Variants in DPYSL3 observed in about 807,000 individuals in gnomAD.
DPYSL3 encodes the protein dihydropyrimidinase-related protein 3.
A neutral mutation model predicts 66.1 loss-of-function variants in DPYSL3; 16 were observed. That is an observed-to-expected ratio of 0.24 (90% CI 0.16 to 0.37). DPYSL3 has a LOEUF of 0.37. Among genes scored for constraint, DPYSL3 ranks in the 10% least tolerant of loss-of-function variants. The pLI is 1.00. For synonymous variants in DPYSL3, 338 were observed against 345.1 expected (o/e 0.98, Z 0.23); for missense variants, 738 against 916.2 (o/e 0.81, Z 2.51).
intron 1 of DPYSL3, among the ~76,000 whole-genome samples, chr5:147,457,136 A>C (rs759699207): frequency 1.3e-5 from 2 of 152,206 alleles, no homozygotes; most frequent in African/African-American, 4.8e-5. Context: ...GAGGTGAATA[A>C]TAAGTCCCAA....
intron 1 of DPYSL3, among the ~76,000 whole-genome samples, chr5:147,486,314 T>C (rs1399475616): frequency 6.6e-6 from 1 of 152,244 alleles, no homozygotes; most frequent in Non-Finnish European, 1.5e-5. Flanking sequence ...GTTTATGTTA[T>C]GAGTATTTTA....
chr5:147,465,987 G>A (rs1753003075), intron 1 of DPYSL3, among the ~76,000 whole-genome samples: 1 of 152,136 alleles, frequency 6.6e-6, no homozygotes, highest in Non-Finnish European at 1.5e-5. Flanking sequence ...CAGTGAGATT[G>A]ATATTAAATA....
chr5:147,402,075 A>G (rs1197377321), intron 8 of DPYSL3: 2 of 179,430 alleles, frequency 1.1e-5, no homozygotes, highest in Admixed American at 1.3e-4. Context: ...CAAGGCTGAA[A>G]TAGATATATT....
At chr5:147,485,929 T>C (rs1753322060) in intron 1 of DPYSL3, among the ~76,000 whole-genome samples, 1 of 152,112 alleles carries the variant, frequency 6.6e-6, no homozygotes, top group South Asian at 2.1e-4. Context: ...CTATTCACAA[T>C]AACCAAAAAT....
intron 1 of DPYSL3, among the ~76,000 whole-genome samples, chr5:147,451,522 T>C (rs1437447742): frequency 6.6e-6 from 1 of 152,202 alleles, no homozygotes; most frequent in African/African-American, 2.4e-5. Flanking sequence ...CAATGCTGAA[T>C]TTCCTTATCT....
chr5:147,414,045 T>C (rs763362759), intron 4 of DPYSL3, among the ~76,000 whole-genome samples: 17 of 152,214 alleles, frequency 1.1e-4, no homozygotes, highest in Non-Finnish European at 2.1e-4. Context: ...CACCACATAC[T>C]AGTTCAGTGA....
Position 147,395,564 on chromosome 5 carries a change from A to C in DPYSL3, c.1961T>G (p.Leu654Arg). 6.2e-7 allele frequency: 1 copy of C among 1,611,702 alleles called. No individual in the cohort carries two copies. The highest frequency in any genetic ancestry group is 8.5e-7 in the Non-Finnish European group (1 of 1,178,932). Residue 654 changes from leucine (L) to arginine (R), a missense_variant, in exon 13 of 14, where the codon CTG becomes CGG. Coordinates refer to ENST00000343218, the MANE Select transcript of DPYSL3 (RefSeq NM_001197294.2). ...GATGAGCCTGTCCCACTCACCTGACAGGCTAAATCCCGACTGATGAAGATT... is the reference window on the plus strand; with the variant it reads ...GATGAGCCTGTCCCACTCACCTGACCGGCTAAATCCCGACTGATGAAGATT... Reference protein sequence around the residue: ...VRNLHQSGFSLSGTQVDEGVR... With the variant: ...VRNLHQSGFSRSGTQVDEGVR...
intron 1 of DPYSL3, among the ~76,000 whole-genome samples, chr5:147,457,714 C>T (rs1339996060): frequency 1.3e-5 from 2 of 152,178 alleles, no homozygotes; most frequent in Non-Finnish European, 2.9e-5. Flanking sequence ...CTGATTCAGT[C>T]AGGAGAGGAA....
intron 1 of DPYSL3, chr5:147,454,151 G>A (rs528800733): frequency 2.6e-5 from 4 of 152,394 alleles, no homozygotes; most frequent in Non-Finnish European, 5.9e-5. Flanking sequence ...CCCCCAGCCA[G>A]CTCCTCGTCG....
At chr5:147,406,223 AT>A (rs1345926153) in intron 7 of DPYSL3, 1 of 152,488 alleles carries the variant, frequency 6.6e-6, no homozygotes, top group African/African-American at 2.4e-5. Flanking sequence ...TACGAAAATA[AT>A]TCCCAGGTTT....
chr5:147,509,589 T>C lies in DPYSL3; in HGVS notation c.270A>G (p.Gln90=), dbSNP rs902031797. ...CGGGCTCCCTGCTCTCTTCCCGGCC[T>C]TGGCCCCTGCGCGGGGTGTCCCCCT... ...GIEGDTPRRG[Q]GREESREPAP... Residue 90 remains glutamine (Q), a synonymous_variant, in exon 1 of 14, where the codon CAA becomes CAG. Coordinates refer to ENST00000343218, the MANE Select transcript of DPYSL3 (RefSeq NM_001197294.2). This position sits in a 1 kb window ranked among gnomAD's most constrained non-coding sequence, Gnocchi z 5.3. 2.8e-5 allele frequency: 43 copies of C among 1,535,316 alleles called. No individual in the cohort carries two copies. The African/African-American group carries it at 5.6e-4, about 20-fold the overall frequency.
chr5:147,502,246 T>C (rs1348606802), intron 1 of DPYSL3, among the ~76,000 whole-genome samples: 1 of 152,086 alleles, frequency 6.6e-6, no homozygotes, highest in Non-Finnish European at 1.5e-5. Flanking sequence ...ATCATTACCT[T>C]GGGGCTTAGG....
intron 1 of DPYSL3, among the ~76,000 whole-genome samples, chr5:147,449,330 G>A (rs1054671840): frequency 6.6e-6 from 1 of 152,062 alleles, no homozygotes; most frequent in Non-Finnish European, 1.5e-5. Flanking sequence ...CTGACTACAC[G>A]CCCTAGACCG....
intron 1 of DPYSL3, among the ~76,000 whole-genome samples, chr5:147,444,015 C>T (rs1222721664): frequency 2.0e-5 from 3 of 152,080 alleles, no homozygotes; most frequent in Non-Finnish European, 4.4e-5. Context: ...TAACCTACAC[C>T]ACTCATACCT....
chr5:147,438,780 T>C (rs1225612532), intron 1 of DPYSL3, among the ~76,000 whole-genome samples: 1 of 152,266 alleles, frequency 6.6e-6, no homozygotes, highest in Non-Finnish European at 1.5e-5. Context: ...AAGATGTATG[T>C]TGTAACATGT....
intron 4 of DPYSL3, 123 bp downstream of exon 4, chr5:147,415,586 C>T: frequency 1.8e-6 from 2 of 1,137,460 alleles, no homozygotes; most frequent in South Asian, 1.5e-5. Flanking sequence ...TCCCTACATC[C>T]AGTGCTCACA....
chr5:147,509,657 C>T lies in DPYSL3; in HGVS notation c.202G>A (p.Gly68Ser), dbSNP rs1324529699. Residue 68 changes from glycine to serine, a missense_variant, in exon 1 of 14, where the codon GGC becomes AGC. Coordinates refer to ENST00000343218, the MANE Select transcript of DPYSL3 (RefSeq NM_001197294.2). The surrounding 1 kb of genome is among the most constrained non-coding windows in gnomAD (Gnocchi z 5.3). ...GQRGAKTPRS[G>S]QGSDRGSGSR... is the part of the protein sequence containing the mutation. ...CCCGATCCTCGGTCGCTGCCCTGGC[C>T]GCTCCGAGGAGTCTTCGCGCCCCGC... The T allele has an allele frequency of 6.5e-7, 1 of 1,535,632 alleles. No individual in the cohort carries two copies. The highest frequency in any genetic ancestry group is 8.7e-7 in the Non-Finnish European group (1 of 1,146,704).
At chr5:147,450,317 A>G (rs1752703996) in intron 1 of DPYSL3, among the ~76,000 whole-genome samples, 1 of 152,234 alleles carries the variant, frequency 6.6e-6, no homozygotes, top group South Asian at 2.1e-4. Context: ...AACACTCAAC[A>G]GGTATGGGCT....
intron 1 of DPYSL3, among the ~76,000 whole-genome samples, chr5:147,446,697 T>A (rs1234235460): frequency 6.6e-6 from 1 of 152,212 alleles, no homozygotes; most frequent in East Asian, 1.9e-4. Context: ...AAAAACAGCA[T>A]CTGCTTTTCC....
Sources: gnomAD v4.1 joint callset for allele counts (sites outside exome capture counted in the v4.1 genomes callset) on GRCh38, gnomAD v4.1.1 for gene constraint, Gnocchi (gnomAD v3.1) non-coding constraint, MANE v1.5 for transcripts, NCBI Gene and HGNC (gene_info 2026-07-23, HGNC 2026-07-21) for gene names.